The following FNDC3B variants were observed in gnomAD, a reference collection of about 807,000 sequenced individuals.
FNDC3B encodes the protein fibronectin type III domain containing 3B.
Under a neutral mutation model 151.5 loss-of-function variants are expected in FNDC3B, and 12 were observed. The ratio of observed to expected loss-of-function variants is 0.08; its 90% CI spans 0.05 to 0.13. The LOEUF is 0.13. FNDC3B is among the 10% of genes least tolerant of loss of function. FNDC3B has a pLI of 1.00. For synonymous variants in FNDC3B, 528 were observed against 549.0 expected, an observed-to-expected ratio of 0.96 and a Z score of 0.54; for missense variants, 1,214 against 1,505.3, an observed-to-expected ratio of 0.81 and a Z score of 3.20.
chr3:172,063,389 G>GCCAATAAACTTCCCATTTACACTTT (rs1717316920), intron 1 of FNDC3B, among the ~76,000 whole-genome samples: 1 of 152,104 alleles, frequency 6.6e-6, no homozygotes, highest in Admixed American at 6.6e-5. Context: ...TATCTGCCTT[G>GCCAATAAACTTCCCATTTACACTTT]GAATTTCCAC....
At chr3:172,111,671 TTAAGAA>T (rs1719976565) in intron 1 of FNDC3B, among the ~76,000 whole-genome samples, 1 of 152,132 alleles carries the variant, frequency 6.6e-6, no homozygotes. Flanking sequence ...GTGGACGTGT[TTAAGAA>T]TGAGAATAAG....
intron 11 of FNDC3B, among the ~76,000 whole-genome samples, chr3:172,324,292 A>G (rs575780997): frequency 2.0e-5 from 3 of 152,274 alleles, no homozygotes; most frequent in South Asian, 2.1e-4. Context: ...CCTGGAGAGC[A>G]GTTTTGACCA....
chr3:172,284,921 A>G (rs1729932216), intron 6 of FNDC3B, among the ~76,000 whole-genome samples: 1 of 151,696 alleles, frequency 6.6e-6, no homozygotes, highest in South Asian at 2.1e-4. Context: ...CTAAACTCAA[A>G]ATTAGATTCC....
chr3:172,134,440 A>T, intron 3 of FNDC3B: 1 of 513,382 alleles, frequency 1.9e-6, no homozygotes, highest in Non-Finnish European at 3.9e-6. Flanking sequence ...CATGCAATTG[A>T]GATCAGTATT....
rs754891902 is a variant in FNDC3B, at chr3:172,335,039, T to A, written c.1737T>A (p.Leu579=). 1 of 1,613,298 alleles carries A rather than the reference T, an allele frequency of 6.2e-7. No homozygotes were observed. Among genetic ancestry groups the A allele is most frequent in the East Asian group, 2.2e-5 (1 of 44,834 alleles). ...PDRPGPPTRP[L]VKGPVTSHGF... ...GGCCTGGACCTCCTACCAGACCGCT[T>A]GTCAAAGGCCCAGTTACATCTCATG... is the stretch of plus-strand genomic sequence containing the variant. The change falls in exon 15 of 26, where the codon CTT becomes CTA. Residue 579 remains leucine, a synonymous_variant. Coordinates refer to ENST00000415807, the MANE Select transcript of FNDC3B (RefSeq NM_022763.4).
At chr3:172,066,143 A>AT (rs1717485353) in intron 1 of FNDC3B, among the ~76,000 whole-genome samples, 1 of 152,128 alleles carries the variant, frequency 6.6e-6, no homozygotes, top group Non-Finnish European at 1.5e-5. Context: ...CACAACTGTT[A>AT]TTTAGTAGCT....
intron 3 of FNDC3B, among the ~76,000 whole-genome samples, chr3:172,136,784 A>G (rs1346330845): frequency 6.6e-6 from 1 of 152,094 alleles, no homozygotes; most frequent in Non-Finnish European, 1.5e-5. Context: ...CAGTGGCACA[A>G]TCTCGGCTCA....
intron 3 of FNDC3B, among the ~76,000 whole-genome samples, chr3:172,148,977 G>C (rs1464916792): frequency 6.6e-6 from 1 of 152,186 alleles, no homozygotes; most frequent in African/African-American, 2.4e-5. Context: ...ATTAACCATA[G>C]AGCAGACTTT....
chr3:172,177,809 C>A (rs1723688285), intron 3 of FNDC3B, among the ~76,000 whole-genome samples: 1 of 151,756 alleles, frequency 6.6e-6, no homozygotes, highest in African/African-American at 2.4e-5. Flanking sequence ...AGGTATTAAG[C>A]CCTGCATGCA....
At chr3:172,191,312 G>T (rs1043857198) in intron 3 of FNDC3B, among the ~76,000 whole-genome samples, 58 of 152,238 alleles carry the variant, frequency 3.8e-4, no homozygotes, top group African/African-American at 1.3e-3. Context: ...AACTTAACAT[G>T]TATTAAACAT....
At chr3:172,275,824 GT>G (rs35473822) in intron 6 of FNDC3B, among the ~76,000 whole-genome samples, 14 of 148,986 alleles carry the variant, frequency 9.4e-5, no homozygotes, top group African/African-American at 2.2e-4. Flanking sequence ...TGATTATCTG[GT>G]TTTTTTTTTA....
chr3:172,338,746 G>GT (rs933820499), intron 16 of FNDC3B, among the ~76,000 whole-genome samples: 13 of 151,956 alleles, frequency 8.6e-5, no homozygotes, highest in African/African-American at 2.4e-4. Context: ...GTTTTGTTTT[G>GT]TTTTTTGAGA....
At chr3:172,230,358 G>A (rs1282857524) in intron 4 of FNDC3B, among the ~76,000 whole-genome samples, 3 of 146,924 alleles carry the variant, frequency 2.0e-5, no homozygotes, top group African/African-American at 7.6e-5. Context: ...AAAAAAATTA[G>A]CCAAGTGTGG....
Position 172,381,019 on chromosome 3 carries a change from G to T in FNDC3B, c.3229G>T (p.Val1077Leu). The T allele has an allele frequency of 6.2e-7, 1 of 1,613,754 alleles. No homozygotes were observed. The highest frequency in any genetic ancestry group is 1.1e-5 in the South Asian group (1 of 91,090). The change falls in exon 25 of 26, where the codon GTA (valine) becomes TTA (leucine). Residue 1077 changes from valine (V) to leucine (L), a missense_variant. Around this residue, in one of 7 missense-constraint regions of FNDC3B, gnomAD observed 284 missense variants for 392.4 expected, o/e 0.72. Coordinates refer to ENST00000415807, the MANE Select transcript of FNDC3B (RefSeq NM_022763.4). The part of the protein sequence containing the change: ...GNSCEILWET[V>L]PSMKGDPVNY... ...TTCATGTGAAATTTTATGGGAGACG[G>T]TACCATCAATGAAAGGTGACCCTGT... is the stretch of plus-strand genomic sequence containing the variant.
At chr3:172,193,917 T>C (rs1232946435) in intron 3 of FNDC3B, among the ~76,000 whole-genome samples, 1 of 152,086 alleles carries the variant, frequency 6.6e-6, no homozygotes, top group Non-Finnish European at 1.5e-5. Flanking sequence ...GCAGGCCAAA[T>C]GTTAAAAATT....
intron 15 of FNDC3B, chr3:172,335,680 T>C (rs1485343462): frequency 6.6e-6 from 1 of 152,162 alleles, no homozygotes; most frequent in Non-Finnish European, 1.5e-5. Flanking sequence ...AAAAGGATAT[T>C]GTGCCTCACC....
intron 25 of FNDC3B, among the ~76,000 whole-genome samples, chr3:172,385,587 C>G (rs1475454590): frequency 6.8e-6 from 1 of 146,274 alleles, no homozygotes; most frequent in East Asian, 2.0e-4. Flanking sequence ...TGGACAGAGT[C>G]TCACTCTGTC....
chr3:172,100,351 C>T (rs1342030771), intron 1 of FNDC3B, among the ~76,000 whole-genome samples: 1 of 152,086 alleles, frequency 6.6e-6, no homozygotes, highest in African/African-American at 2.4e-5. Context: ...AGGCAAGCAC[C>T]ATGCTTTCAA....
chr3:172,162,336 G>A (rs1341261744), intron 3 of FNDC3B, among the ~76,000 whole-genome samples: 2 of 152,040 alleles, frequency 1.3e-5, no homozygotes, highest in Non-Finnish European at 2.9e-5. Context: ...TTTTTTTATT[G>A]CCAGATAATA....
Sources: gnomAD v4.1 joint callset for allele counts (sites outside exome capture counted in the v4.1 genomes callset) on GRCh38, gnomAD v4.1.1 for gene constraint, gnomAD v4.1.1 regional missense constraint, MANE v1.5 for transcripts, NCBI Gene and HGNC (gene_info 2026-07-23, HGNC 2026-07-21) for gene names.